The following PRRC2B variants were observed in gnomAD, a reference collection of about 807,000 sequenced individuals.
PRRC2B encodes proline rich coiled-coil 2B, also known as protein PRRC2B.
In PRRC2B, 68 loss-of-function variants were observed where a neutral mutation model predicts 242.3. The ratio of observed to expected loss-of-function variants is 0.28; its 90% CI spans 0.23 to 0.34. The LOEUF is 0.34. Ranked by LOEUF, PRRC2B falls within the 10% of genes least tolerant of loss-of-function variation. The probability of loss-of-function intolerance (pLI) is 1.00; values close to 1 mark genes in which losing one functional copy is unlikely to be tolerated. For missense variants in PRRC2B, 2,835 were observed against 2,954.8 expected, an observed-to-expected ratio of 0.96 and a Z score of 0.94; for synonymous variants, 1,228 against 1,173.6, an observed-to-expected ratio of 1.05 and a Z score of -0.95.
At position 131,474,838 on chromosome 9, in the gene PRRC2B, C is replaced by G; in HGVS notation, c.2709C>G (p.Asp903Glu). ...EGTAFNISSW[D>E]KNGSPNKQPS... ...CGGCCTTTAACATCTCCTCCTGGGA[C>G]AAGAACGGGAGCCCCAACAAACAGC... The change falls in exon 16 of 32, where the codon GAC becomes GAG. Residue 903 changes from aspartate to glutamate, a missense_variant. Asp to Glu is a conservative substitution (Grantham distance 45). Coordinates refer to ENST00000683519, the MANE Select transcript of PRRC2B (RefSeq NM_013318.4). The G allele has an allele frequency of 1.2e-6, 2 of 1,610,890 alleles. No homozygotes were observed. Among genetic ancestry groups the G allele is most frequent in the Non-Finnish European group, 1.7e-6 (2 of 1,179,116 alleles).
intron 1 of PRRC2B, among the ~76,000 whole-genome samples, chr9:131,376,046 C>CA (rs56400904): frequency 0.03 from 2,201 of 72,656 alleles, 108 homozygotes; most frequent in African/African-American, 0.091. Context: ...GAGACTGTCT[C>CA]AAAAAAAAAA....
At chr9:131,454,840 T>C (rs1047967302) in intron 9 of PRRC2B, among the ~76,000 whole-genome samples, 1 of 152,120 alleles carries the variant, frequency 6.6e-6, no homozygotes, top group Non-Finnish European at 1.5e-5. Context: ...TTCACCATGT[T>C]GGTCAGGCTG....
At chr9:131,455,032 T>C (rs1265971447) in intron 9 of PRRC2B, 44 bp from the exon 10 acceptor site, 11 of 1,524,632 alleles carry the variant, frequency 7.2e-6, no homozygotes, top group Non-Finnish European at 9.9e-6. Context: ...ACCACTGACT[T>C]TTTCATTCTT....
At chr9:131,490,783 A>T in intron 28 of PRRC2B, 1 of 360,682 alleles carries the variant, frequency 2.8e-6, no homozygotes, top group Non-Finnish European at 5.5e-6. Context: ...AGAGTCTTGA[A>T]CGTGTGTGCT....
intron 1 of PRRC2B, among the ~76,000 whole-genome samples, chr9:131,385,162 A>G (rs1296320463): frequency 1.5e-5 from 2 of 137,104 alleles, no homozygotes; most frequent in Non-Finnish European, 3.3e-5. Context: ...CATGAGCTAC[A>G]CCAGTAAGTT....
intron 2 of PRRC2B, among the ~76,000 whole-genome samples, chr9:131,430,550 GGTGTGTGTGTATGTGT>G (rs1266287550): frequency 1.2e-5 from 1 of 82,666 alleles, no homozygotes; most frequent in African/African-American, 4.2e-5. Context: ...GATATCTATA[GGTGTGTGTGTATGTGT>G]GTGTGTGTGT....
rs758523408 is a variant in PRRC2B at position 131,459,313 on chromosome 9, C to T, written c.1361C>T (p.Pro454Leu). 2.0e-5 allele frequency: 32 copies of T among 1,613,730 alleles called. No individual in the cohort carries two copies. The East Asian group carries it at 3.1e-4, about 16-fold the overall frequency. Reference protein sequence around the residue: ...VVRKAPDPQPPPRKLHGWAPG... With the variant: ...VVRKAPDPQPLPRKLHGWAPG... ...CGAAAGGCGCCAGACCCTCAGCCAC[C>T]GCCCAGGAAGCTTCATGGCTGGGCA... The change falls in exon 11 of 32, where the codon CCG (proline) becomes CTG (leucine). Residue 454 changes from proline to leucine, a missense_variant. Around this residue, in one of 7 missense-constraint regions of PRRC2B, gnomAD observed 626 missense variants for 685.5 expected, o/e 0.91. Coordinates refer to ENST00000683519, the MANE Select transcript of PRRC2B (RefSeq NM_013318.4).
chr9:131,420,493 C>CTTTCTTTCTTTTTTTTTT, intron 1 of PRRC2B, among the ~76,000 whole-genome samples: 2 of 30,164 alleles, frequency 6.6e-5, no homozygotes, highest in African/African-American at 1.1e-4. Flanking sequence ...TTCTTTCTTT[C>CTTTCTTTCTTTTTTTTTT]TTTTTTTTTT....
intron 1 of PRRC2B, among the ~76,000 whole-genome samples, chr9:131,386,334 C>G (rs1325075450): frequency 6.7e-6 from 1 of 150,136 alleles, no homozygotes; most frequent in East Asian, 2.0e-4. Context: ...TGCTGCTGGT[C>G]TTGAACTCCT....
intron 9 of PRRC2B, among the ~76,000 whole-genome samples, chr9:131,448,812 T>G (rs1218935773): frequency 2.6e-5 from 4 of 152,086 alleles, no homozygotes; most frequent in Non-Finnish European, 4.4e-5. Flanking sequence ...TCAAGTAGAT[T>G]TAAATTATAG....
In PRRC2B at chr9:131,446,584, CACAGTT is replaced by C. The variant is rs1180297830; in HGVS notation, c.798_803del (p.Gln267_Phe268del). 1 of 1,614,006 alleles carries C rather than the reference CACAGTT, an allele frequency of 6.2e-7. No homozygotes were observed. Among genetic ancestry groups the C allele is most frequent in the Non-Finnish European group, 8.5e-7 (1 of 1,179,882 alleles). ...GCTCAGCCTGTCCGAAAAGGGGCTT[CACAGTT>C]CATGGGAAATGTATACCACCCACCT... On this transcript the variant is annotated inframe_deletion, in exon 7 of 32. Transcript: ENST00000683519. The surrounding 1 kb of genome is among the most constrained non-coding windows in gnomAD (Gnocchi z 4.1).
intron 1 of PRRC2B, among the ~76,000 whole-genome samples, chr9:131,420,471 T>TCTTTCTCTCTTTCTC (rs1288013182): frequency 7.6e-4 from 15 of 19,734 alleles, no homozygotes; most frequent in Admixed American, 2.2e-3. Context: ...CTTTCTTTCT[T>TCTTTCTCTCTTTCTC]TCTTTCTTTC....
At chr9:131,474,235 G>A (rs1283978525) in intron 15 of PRRC2B, among the ~76,000 whole-genome samples, 9 of 152,178 alleles carry the variant, frequency 5.9e-5, no homozygotes, top group African/African-American at 2.2e-4. Flanking sequence ...ACCAATTCAT[G>A]GCCTGGCATT....
intron 10 of PRRC2B, among the ~76,000 whole-genome samples, chr9:131,455,563 C>T (rs1943049219): frequency 7.3e-6 from 1 of 136,336 alleles, no homozygotes; most frequent in African/African-American, 2.8e-5. Context: ...GTCACCCAGG[C>T]TGGAGTGCGG....
intron 30 of PRRC2B, 96 bp downstream of exon 30, chr9:131,492,356 G>A (rs4740253): frequency 9.8e-6 from 9 of 920,918 alleles, no homozygotes; most frequent in East Asian, 4.9e-5. Flanking sequence ...AGGGAGAGCC[G>A]CCAGAGACCT....
Position 131,487,403 on chromosome 9 carries a change from T to TG in PRRC2B, c.5984+113dup. The TG allele has an allele frequency of 4.3e-6, 2 of 460,168 alleles. No homozygotes were observed. Among genetic ancestry groups the TG allele is most frequent in the Non-Finnish European group, 7.6e-6 (2 of 262,214 alleles). 28.5% of individuals were successfully genotyped at this position (460,168 alleles called of 1,614,324 possible). ...TGGTGCTTGTCTGCTTTGGGGCCAG[T>TG]GGGGCGGGGAGGGGTGGGAGTTTGC... On this transcript the variant is annotated intron_variant, in intron 27 of 31. Transcript: ENST00000683519. This position sits in a 1 kb window ranked among gnomAD's most constrained non-coding sequence, Gnocchi z 5.3.
intron 11 of PRRC2B, among the ~76,000 whole-genome samples, chr9:131,463,852 C>G (rs115598095): frequency 6.6e-6 from 1 of 151,508 alleles, no homozygotes; most frequent in African/African-American, 2.4e-5. Context: ...AGGCTGGTCT[C>G]GAGCTCCTAG....
chr9:131,488,081 C>T lies in PRRC2B; in HGVS notation c.6210C>T (p.Asp2070=), dbSNP rs778737723. 5.0e-6 allele frequency: 8 copies of T among 1,612,882 alleles called. No homozygotes were observed. The highest frequency in any genetic ancestry group is 6.8e-6 in the Non-Finnish European group (8 of 1,179,148). The part of the protein sequence containing the change: ...AAGLGASQML[D]SQLPQLTMPL... ...GCCTGGGTGCCTCCCAGATGTTGGA[C>T]TCCCAGCTCCCACAGGTCAGGAATT... The change falls in exon 28 of 32, where the codon GAC becomes GAT. Residue 2070 remains aspartate (D), a synonymous_variant. Coordinates refer to ENST00000683519, the MANE Select transcript of PRRC2B (RefSeq NM_013318.4).
intron 16 of PRRC2B, 133 bp downstream of exon 16, chr9:131,476,668 CCATTGCCTGCCCCCA>C: frequency 1.4e-6 from 1 of 725,702 alleles, no homozygotes; most frequent in Non-Finnish European, 2.2e-6. Context: ...GTGCGCGTCT[CCATTGCCTGCCCCCA>C]CATTGCCTGT....
Sources: allele counts gnomAD v4.1 joint callset (sites outside exome capture counted in the v4.1 genomes callset), GRCh38; gene constraint gnomAD v4.1.1; regional missense constraint gnomAD v4.1.1; non-coding constraint Gnocchi (gnomAD v3.1); transcripts MANE v1.5; gene names NCBI Gene and HGNC (gene_info 2026-07-23, HGNC 2026-07-21).